WDFY3: variants seen among roughly 807,000 people sequenced by gnomAD.
WDFY3 encodes the protein WD repeat and FYVE domain-containing protein 3.
Under a neutral mutation model 409.6 loss-of-function variants are expected in WDFY3, and 66 were observed. The observed-to-expected ratio is 0.16, with a 90% CI of 0.13 to 0.20. WDFY3 has a LOEUF of 0.20. Among genes scored for constraint, WDFY3 ranks in the 10% least tolerant of loss-of-function variants. The pLI, the probability that WDFY3 is intolerant of heterozygous loss-of-function variation, is 1.00. For missense variants in WDFY3, 3,031 were observed against 4,298.1 expected (o/e 0.71, Z 8.24); for synonymous variants, 1,521 against 1,537.1 (o/e 0.99, Z 0.25).
intron 67 of WDFY3, among the ~76,000 whole-genome samples, chr4:84,674,800 G>T (rs1045676978): frequency 6.7e-6 from 1 of 149,658 alleles, no homozygotes; most frequent in Non-Finnish European, 1.5e-5. Context: ...CCCAGGAGGC[G>T]GAGGCTGCAG....
At position 84,794,744 on chromosome 4, in the gene WDFY3, T is replaced by C. The variant is rs374359439; in HGVS notation, c.3269-7A>G. On this transcript the variant is annotated splice_polypyrimidine_tract_variant and splice_region_variant and intron_variant, in intron 20 of 67. Coordinates refer to ENST00000295888, the MANE Select transcript of WDFY3 (RefSeq NM_014991.6). The stretch of plus-strand genomic sequence containing the variant: ...GGAGGGAAGAATCTTTCACCTACAG[T>C]AAAAATTAAAAAAAAAAGTCTGTGT... The C allele has an allele frequency of 5.0e-6, 8 of 1,587,836 alleles. No individual in the cohort carries two copies. The highest frequency in any genetic ancestry group is 6.0e-6 in the Non-Finnish European group (7 of 1,170,464).
chr4:84,876,978 T>C (rs1392702134), intron 3 of WDFY3, among the ~76,000 whole-genome samples: 3 of 152,220 alleles, frequency 2.0e-5, no homozygotes, highest in South Asian at 2.1e-4. Context: ...ATTATCAATA[T>C]CTTGCATCAA....
At position 84,751,689 on chromosome 4, in the gene WDFY3, A is replaced by T. The variant is rs1159024378; in HGVS notation, c.5767T>A (p.Ser1923Thr). The change falls in exon 36 of 68, where the codon TCT becomes ACT. Residue 1923 changes from serine to threonine, a missense_variant. By Grantham distance (58) the Ser-to-Thr change is moderately conservative. This residue lies in a region of WDFY3 where 314 missense variants were observed against 397.4 expected (regional missense o/e 0.79). Transcript: ENST00000295888. ...AACGCTTTAAACTCTTCTGCTGGAG[A>T]TCCAACTTCATCATCAAGGTCAGTC... ...MVTDLDDEVG[S>T]PAEEFKAFAA... 1 of 1,614,128 alleles carries T rather than the reference A, an allele frequency of 6.2e-7. No individual in the cohort carries two copies. Among genetic ancestry groups the T allele is most frequent in the Admixed American group, 1.7e-5 (1 of 60,020 alleles).
chr4:84,919,589 G>T (rs1768982212), intron 2 of WDFY3, among the ~76,000 whole-genome samples: 1 of 152,112 alleles, frequency 6.6e-6, no homozygotes, highest in African/African-American at 2.4e-5. Flanking sequence ...CTGAATCATA[G>T]GGGTGGTTAC....
chr4:84,676,220 AAAAAAAAAGGGC>A (rs1298876495), intron 67 of WDFY3, among the ~76,000 whole-genome samples: 1 of 151,456 alleles, frequency 6.6e-6, no homozygotes, highest in Non-Finnish European at 1.5e-5. Flanking sequence ...CTCCTCAAGG[AAAAAAAAAGGGC>A]AAAGTACCCA....
At chr4:84,836,061 A>G (rs756593138) in intron 7 of WDFY3, among the ~76,000 whole-genome samples, 1 of 152,218 alleles carries the variant, frequency 6.6e-6, no homozygotes, top group Non-Finnish European at 1.5e-5. Flanking sequence ...AACTGTTTTA[A>G]GAGTGTGGTA....
In WDFY3 at chr4:84,720,839, C is replaced by T. The variant is rs577899811; in HGVS notation, c.7605+570G>A. Among the ~76,000 whole-genome samples the T allele has an allele frequency of 2.6e-5, 4 of 151,446 alleles. No individual in the cohort carries two copies. In the South Asian group the frequency reaches 8.3e-4, roughly 32 times the overall value. On this transcript the variant is annotated intron_variant, in intron 47 of 67. Transcript: ENST00000295888. ...AAAGTGCAGAGTGGAAAAAAAAACA[C>T]AACATGGTGGGTGTAATGAACTCCA...
chr4:84,770,001 A>T (rs2149415579), intron 30 of WDFY3, among the ~76,000 whole-genome samples: 1 of 152,198 alleles, frequency 6.6e-6, no homozygotes, highest in South Asian at 2.1e-4. Context: ...ATCATTTTTT[A>T]GCAATAAAAA....
Position 84,836,983 on chromosome 4 carries a change from C to T in WDFY3, c.522G>A (p.Gln174=). The change falls in exon 7 of 68, where the codon CAG becomes CAA. Residue 174 remains glutamine, a synonymous_variant. Transcript: ENST00000295888. ...PHVPEAVGGA[Q]NELPLAERRG... ...GACGTTCTGCTAGAGGTAGCTCATTCTGTGCACCTCCAACTGCCTCAGGCA... is the reference window on the plus strand; with the variant it reads ...GACGTTCTGCTAGAGGTAGCTCATTTTGTGCACCTCCAACTGCCTCAGGCA... The T allele has an allele frequency of 6.3e-7, 1 of 1,597,892 alleles. No individual in the cohort carries two copies. Among genetic ancestry groups the T allele is most frequent in the Non-Finnish European group, 8.5e-7 (1 of 1,172,326 alleles).
intron 2 of WDFY3, among the ~76,000 whole-genome samples, chr4:84,899,462 T>C (rs997628182): frequency 6.6e-6 from 1 of 152,204 alleles, no homozygotes; most frequent in Non-Finnish European, 1.5e-5. Context: ...TCTTATCAAA[T>C]TAAACATTTA....
In WDFY3 at chr4:84,739,026, G is replaced by T. The variant is rs1031020451; in HGVS notation, c.6558C>A (p.Ser2186Arg). The change falls in exon 40 of 68, where the codon AGC (serine) becomes AGA (arginine). Residue 2186 changes from serine to arginine, a missense_variant. This residue lies in a region of WDFY3 where 314 missense variants were observed against 397.4 expected (regional missense o/e 0.79). Coordinates refer to ENST00000295888, the MANE Select transcript of WDFY3 (RefSeq NM_014991.6). ...PSDIEPDGSY[S>R]QDISEGRQLL... ...GGCAATTACCTTCACTAATATCTTGGCTGTAACTACCATCTGGTTCAATGT... is the reference window on the plus strand; with the variant it reads ...GGCAATTACCTTCACTAATATCTTGTCTGTAACTACCATCTGGTTCAATGT... 3 of 1,614,000 alleles carry T rather than the reference G, an allele frequency of 1.9e-6. No individual in the cohort carries two copies. Among genetic ancestry groups the T allele is most frequent in the Non-Finnish European group, 2.5e-6 (3 of 1,179,920 alleles).
At chr4:84,871,946 T>C (rs1762185691) in intron 3 of WDFY3, among the ~76,000 whole-genome samples, 1 of 152,242 alleles carries the variant, frequency 6.6e-6, no homozygotes, top group African/African-American at 2.4e-5. Flanking sequence ...TAATTATTCC[T>C]AATTGATGTA....
intron 44 of WDFY3, among the ~76,000 whole-genome samples, chr4:84,732,935 T>C (rs1203517161): frequency 6.6e-6 from 1 of 152,210 alleles, no homozygotes; most frequent in Non-Finnish European, 1.5e-5. Flanking sequence ...CAGAGCTACT[T>C]AGAAGATTCA....
intron 36 of WDFY3, among the ~76,000 whole-genome samples, chr4:84,748,096 C>T (rs1021486621): frequency 2.6e-5 from 4 of 152,120 alleles, no homozygotes; most frequent in African/African-American, 4.8e-5. Context: ...CCCATTGCCA[C>T]GGTATTTATT....
rs549322874 is a variant in WDFY3 at position 84,680,913 on chromosome 4, C to A, written c.9823+1461G>T. Among the ~76,000 whole-genome samples, 24 of 152,280 alleles carry A rather than the reference C, an allele frequency of 1.6e-4. No homozygotes were observed. The South Asian group carries it at 1.7e-3, about 11-fold the overall frequency. On this transcript the variant is annotated intron_variant, in intron 64 of 67. Coordinates refer to ENST00000295888, the MANE Select transcript of WDFY3 (RefSeq NM_014991.6). ...TCAAAAGGAGGTCTTAGAACCAACT[C>A]CTGAGGATACTGAGCCCACCAAAGT...
At chr4:84,791,162 T>C (rs1016680545) in intron 21 of WDFY3, among the ~76,000 whole-genome samples, 1 of 152,196 alleles carries the variant, frequency 6.6e-6, no homozygotes, top group Non-Finnish European at 1.5e-5. Context: ...AGTACTCCCC[T>C]GGACAGATGA....
chr4:84,912,321 T>C (rs951618039), intron 2 of WDFY3, among the ~76,000 whole-genome samples: 5 of 152,182 alleles, frequency 3.3e-5, no homozygotes, highest in African/African-American at 1.2e-4. Context: ...TAAGGACCAC[T>C]GTAAAAACAG....
intron 24 of WDFY3, among the ~76,000 whole-genome samples, chr4:84,784,709 A>G (rs1472576956): frequency 1.3e-5 from 2 of 151,182 alleles, no homozygotes; most frequent in African/African-American, 4.9e-5. Flanking sequence ...ATGGTGGTGC[A>G]TGCCTATAAT....
chr4:84,963,429 G>C (rs75643625), intron 1 of WDFY3, among the ~76,000 whole-genome samples: 2 of 59,878 alleles, frequency 3.3e-5, no homozygotes, highest in East Asian at 9.6e-4. Context: ...CATCTCAAAA[G>C]AAAAAAAAAA....
Sources: gnomAD v4.1 joint callset for allele counts (sites outside exome capture counted in the v4.1 genomes callset) on GRCh38, gnomAD v4.1.1 for gene constraint, gnomAD v4.1.1 regional missense constraint, MANE v1.5 for transcripts, NCBI Gene and HGNC (gene_info 2026-07-23, HGNC 2026-07-21) for gene names.